The following MTA1 variants were observed in gnomAD, a reference collection of about 807,000 sequenced individuals.
The protein encoded by MTA1 is metastasis-associated protein MTA1.
A neutral mutation model predicts 97.0 loss-of-function variants in MTA1; 15 were observed. The ratio of observed to expected loss-of-function variants is 0.15; its 90% CI spans 0.10 to 0.24. MTA1 has a LOEUF of 0.24. MTA1 is among the 10% of genes least tolerant of loss of function. The probability of loss-of-function intolerance (pLI) is 1.00; values close to 1 mark genes in which losing one functional copy is unlikely to be tolerated. For missense variants in MTA1, 709 were observed against 1,015.1 expected, an observed-to-expected ratio of 0.70 and a Z score of 4.10; for synonymous variants, 435 against 417.5, an observed-to-expected ratio of 1.04 and a Z score of -0.51.
At chr14:105,450,966 G>T (rs1355102173) in intron 6 of MTA1, among the ~76,000 whole-genome samples, 1 of 152,210 alleles carries the variant, frequency 6.6e-6, no homozygotes. Context: ...GAGTGTGTTG[G>T]TTCCCTGGAG....
At chr14:105,434,517 A>G (rs2082272917) in intron 1 of MTA1, among the ~76,000 whole-genome samples, 1 of 141,462 alleles carries the variant, frequency 7.1e-6, no homozygotes, top group East Asian at 2.0e-4. Flanking sequence ...TTTTTGAGAC[A>G]GAGTTTCACT....
chr14:105,441,060 GGGA>G (rs1468873331), intron 2 of MTA1, among the ~76,000 whole-genome samples: 5 of 152,216 alleles, frequency 3.3e-5, no homozygotes, highest in African/African-American at 4.8e-5. Flanking sequence ...GGTCAGGATG[GGGA>G]GAACAGGAAC....
chr14:105,467,599 C>T, intron 18 of MTA1: 3 of 403,422 alleles, frequency 7.4e-6, no homozygotes, highest in South Asian at 1.8e-5. Context: ...ACACGCACCC[C>T]TGGCCTGTCC....
At chr14:105,431,942 G>A (rs587723416) in intron 1 of MTA1, among the ~76,000 whole-genome samples, 1 of 152,292 alleles carries the variant, frequency 6.6e-6, no homozygotes, top group South Asian at 2.1e-4. Flanking sequence ...AAGTATTTGA[G>A]TCTGTCATGC....
intron 6 of MTA1, among the ~76,000 whole-genome samples, chr14:105,451,787 T>TG (rs1193372228): frequency 1.5e-5 from 2 of 135,914 alleles, no homozygotes; most frequent in African/African-American, 5.6e-5. Flanking sequence ...TTTTTTGTTT[T>TG]TTTTTTTTTT....
Position 105,419,878 on chromosome 14 carries a change from C to T in MTA1, c.-158C>T, listed in dbSNP as rs2081765116. ...CCCTCCCGTCCCTGCGCGGCCTCGGCGGCCTCGGCGGCGGCGGCGGCGGCG... is the reference window on the plus strand; with the variant it reads ...CCCTCCCGTCCCTGCGCGGCCTCGGTGGCCTCGGCGGCGGCGGCGGCGGCG... On this transcript the variant is annotated 5_prime_UTR_variant, in exon 1 of 21. Coordinates refer to ENST00000331320, the MANE Select transcript of MTA1 (RefSeq NM_004689.4). The T allele has an allele frequency of 1.6e-5, 3 of 185,340 alleles. No individual in the cohort carries two copies. Among genetic ancestry groups the T allele is most frequent in the African/African-American group, 2.4e-5 (1 of 41,206 alleles). The allele number at this position is 185,340 out of a possible 1,614,324, so 11.5% of individuals were successfully genotyped here. A position where few individuals can be genotyped will look rare whatever the true frequency, so the allele number is the denominator to read the frequency against.
intron 2 of MTA1, among the ~76,000 whole-genome samples, chr14:105,441,739 A>G (rs1168585021): frequency 1.3e-5 from 2 of 152,208 alleles, no homozygotes; most frequent in Admixed American, 1.3e-4. Context: ...GCTTGCAGTG[A>G]GCCGAGATCC....
rs191604068 is a variant in MTA1 at position 105,431,758 on chromosome 14, T to C, written c.29-6914T>C. Among the ~76,000 whole-genome samples, 190 of 152,258 alleles carry C rather than the reference T, an allele frequency of 1.2e-3. 1 individual carries two copies. The highest frequency in any genetic ancestry group is 3.9e-3 in the African/African-American group (164 of 41,540). The stretch of plus-strand genomic sequence containing the variant: ...CTCCTGCTTCAGCCTCCCAAGTAGC[T>C]GGGACTAAAGGCATGCACCACCACA... On this transcript the variant is annotated intron_variant, in intron 1 of 20. Transcript: ENST00000331320.
chr14:105,453,659 A>G (rs1248144856), intron 6 of MTA1, among the ~76,000 whole-genome samples: 2 of 152,076 alleles, frequency 1.3e-5, no homozygotes, highest in Admixed American at 1.3e-4. Flanking sequence ...AAAATACAAA[A>G]TATTAGCTAG....
Position 105,463,969 on chromosome 14 carries a change from G to A in MTA1, c.1077-63G>A. The A allele has an allele frequency of 6.5e-7, 1 of 1,533,324 alleles. No homozygotes were observed. Among genetic ancestry groups the A allele is most frequent in the South Asian group, 1.1e-5 (1 of 88,928 alleles). The allele number at this position is 1,533,324 out of a possible 1,614,324, so 95.0% of individuals were successfully genotyped here. A position where few individuals can be genotyped will look rare whatever the true frequency, so the allele number is the denominator to read the frequency against. On this transcript the variant is annotated intron_variant, in intron 12 of 20. Transcript: ENST00000331320. This position sits in a 1 kb window ranked among gnomAD's most constrained non-coding sequence, Gnocchi z 5.9. ...GGTGGTCAGCCGCGGTGCCTGCTGG[G>A]CACATGGGCCCTCGAGGTTTGTGCT...
Position 105,424,398 on chromosome 14 carries a change from T to G in MTA1, c.28+4335T>G, listed in dbSNP as rs1555421755. Among the ~76,000 whole-genome samples the G allele has an allele frequency of 6.6e-6, 1 of 152,018 alleles. No individual in the cohort carries two copies. The highest frequency in any genetic ancestry group is 1.5e-5 in the Non-Finnish European group (1 of 67,980). On this transcript the variant is annotated intron_variant, in intron 1 of 20. Transcript: ENST00000331320. The surrounding 1 kb of genome is among the most constrained non-coding windows in gnomAD (Gnocchi z 4.0). Reference sequence around the variant, plus strand: ...TTTTTTTTTTTGTAGAGACGGGGTTTCACTGTGTTAGCCAGTATGGTCTCG... The same window carrying G: ...TTTTTTTTTTTGTAGAGACGGGGTTGCACTGTGTTAGCCAGTATGGTCTCG...
At chr14:105,466,289 G>A (rs2141697451) in intron 16 of MTA1, 137 bp from the exon 17 acceptor site, 2 of 747,950 alleles carry the variant, frequency 2.7e-6, no homozygotes, top group South Asian at 3.5e-5. Flanking sequence ...GCCCAGTCAG[G>A]ATGGGGCCTC....
chr14:105,441,751 G>T (rs587725061), intron 2 of MTA1, among the ~76,000 whole-genome samples: 1 of 152,084 alleles, frequency 6.6e-6, no homozygotes, highest in Admixed American at 6.6e-5. Context: ...CCGAGATCCC[G>T]CCACTACACT....
chr14:105,445,574 G>T lies in MTA1; in HGVS notation c.190+63G>T, dbSNP rs587598904. Reference sequence around the variant, plus strand: ...AGGGTCGGCTGGGGAGGGCTGGCGGGGTCCTTCTTCCCTAGGGCCCATCGG... The same window carrying T: ...AGGGTCGGCTGGGGAGGGCTGGCGGTGTCCTTCTTCCCTAGGGCCCATCGG... On this transcript the variant is annotated intron_variant, in intron 3 of 20. Transcript: ENST00000331320. The T allele has an allele frequency of 2.0e-4, 310 of 1,559,678 alleles. No individual in the cohort carries two copies. The African/African-American group carries it at 4.0e-3, about 20-fold the overall frequency.
At position 105,464,853 on chromosome 14, in the gene MTA1, C is replaced by T; in HGVS notation, c.1524C>T (p.Ile508=). 6.3e-7 allele frequency: 1 copy of T among 1,576,296 alleles called. No homozygotes were observed. The highest frequency in any genetic ancestry group is 2.3e-5 in the East Asian group (1 of 44,230). The part of the protein sequence containing the change: ...HPYLPINSAA[I]KAECTARLPE... ...ACCTGCCCATCAACAGCGCGGCCAT[C>T]AAGGCCGAGTGTGAGTCACCCCAAC... The change falls in exon 15 of 21, where the codon ATC becomes ATT. Residue 508 remains isoleucine (I), a synonymous_variant. Transcript: ENST00000331320.
At chr14:105,444,248 G>T (rs1201531135) in intron 2 of MTA1, among the ~76,000 whole-genome samples, 1 of 152,006 alleles carries the variant, frequency 6.6e-6, no homozygotes, top group African/African-American at 2.4e-5. Context: ...GGTGGTGGGC[G>T]CCTGTAGTCC....
intron 9 of MTA1, 76 bp downstream of exon 9, chr14:105,460,533 C>T: frequency 7.1e-7 from 1 of 1,403,786 alleles, no homozygotes; most frequent in Non-Finnish European, 9.6e-7. Flanking sequence ...TTCTTCCTAC[C>T]AGGGCCCAGC....
In MTA1 at chr14:105,469,509, C is replaced by G. The variant is rs2083741213; in HGVS notation, c.1845+11C>G. 1 of 1,612,460 alleles carries G rather than the reference C, an allele frequency of 6.2e-7. No homozygotes were observed. The highest frequency in any genetic ancestry group is 8.5e-7 in the Non-Finnish European group (1 of 1,179,524). The stretch of plus-strand genomic sequence containing the variant: ...CAGGCCAGGCACATGGTAAGAGGAA[C>G]AACCCATGATGGGGTACGGTGCGCT... On this transcript the variant is annotated intron_variant, in intron 19 of 20. Coordinates refer to ENST00000331320, the MANE Select transcript of MTA1 (RefSeq NM_004689.4).
At chr14:105,437,370 CA>C (rs2082361143) in intron 1 of MTA1, among the ~76,000 whole-genome samples, 1 of 151,616 alleles carries the variant, frequency 6.6e-6, no homozygotes, top group Non-Finnish European at 1.5e-5. Flanking sequence ...GGTGCGTCCT[CA>C]GGGGTGTGTC....
Sources: gnomAD v4.1 joint callset for allele counts (sites outside exome capture counted in the v4.1 genomes callset) on GRCh38, gnomAD v4.1.1 for gene constraint, Gnocchi (gnomAD v3.1) non-coding constraint, MANE v1.5 for transcripts, NCBI Gene and HGNC (gene_info 2026-07-23, HGNC 2026-07-21) for gene names.